The following STAMBPL1 variants were observed in gnomAD, a reference collection of about 807,000 sequenced individuals.
The protein encoded by STAMBPL1 is AMSH-like protease.
A neutral mutation model predicts 52.9 loss-of-function variants in STAMBPL1; 44 were observed. The ratio of observed to expected loss-of-function variants is 0.83; its 90% CI spans 0.65 to 1.07. STAMBPL1 has a LOEUF of 1.07. Ranked by LOEUF, STAMBPL1 falls within the 50% of genes least tolerant of loss-of-function variation. The pLI, the probability that STAMBPL1 is intolerant of heterozygous loss-of-function variation, is 0.00. For synonymous variants in STAMBPL1, 164 were observed against 177.3 expected, an observed-to-expected ratio of 0.92 and a Z score of 0.60; for missense variants, 511 against 520.8, an observed-to-expected ratio of 0.98 and a Z score of 0.18.
intron 1 of STAMBPL1, among the ~76,000 whole-genome samples, chr10:88,894,102 G>GT (rs1844752471): frequency 6.6e-6 from 1 of 152,152 alleles, no homozygotes; most frequent in African/African-American, 2.4e-5. Context: ...TGTGCTATAT[G>GT]TTTTACAAGC....
chr10:88,890,088 G>A (rs1844640067), intron 1 of STAMBPL1, among the ~76,000 whole-genome samples: 1 of 152,184 alleles, frequency 6.6e-6, no homozygotes, highest in African/African-American at 2.4e-5. Context: ...ACACCAGAAA[G>A]ATGGGTAGAA....
intron 1 of STAMBPL1, among the ~76,000 whole-genome samples, chr10:88,884,244 G>T (rs1178831355): frequency 6.6e-6 from 1 of 152,200 alleles, no homozygotes; most frequent in African/African-American, 2.4e-5. Flanking sequence ...GCTATTCTCT[G>T]CATAATGAAA....
intron 1 of STAMBPL1, chr10:88,882,313 T>C (rs1844425988): frequency 6.6e-6 from 1 of 152,178 alleles, no homozygotes; most frequent in African/African-American, 2.4e-5. Flanking sequence ...AATAGAGAGA[T>C]TTGCTTCTGG....
intron 8 of STAMBPL1, 30 bp from the exon 9 acceptor site, chr10:88,921,253 T>G (rs749438719): frequency 6.4e-7 from 1 of 1,569,276 alleles, no homozygotes; most frequent in Admixed American, 1.7e-5. Context: ...ACAGCTATCC[T>G]AGTAAGATTA....
At chr10:88,901,037 G>T (rs1371270077) in intron 1 of STAMBPL1, 1 of 152,138 alleles carries the variant, frequency 6.6e-6, no homozygotes, top group East Asian at 1.9e-4. Context: ...CTTTTAATTA[G>T]CTTAACATTA....
At chr10:88,902,257 C>A (rs1156715614) in intron 2 of STAMBPL1, among the ~76,000 whole-genome samples, 1 of 152,200 alleles carries the variant, frequency 6.6e-6, no homozygotes, top group Non-Finnish European at 1.5e-5. Context: ...TATTCTGTGT[C>A]CTAGATCAGT....
intron 3 of STAMBPL1, 91 bp from the exon 4 acceptor site, chr10:88,908,611 T>C: frequency 1.8e-6 from 2 of 1,081,892 alleles, no homozygotes. Context: ...AAACATGTCA[T>C]TTTTGAAAAA....
At chr10:88,909,891 G>A (rs756796769) in intron 4 of STAMBPL1, among the ~76,000 whole-genome samples, 9 of 152,184 alleles carry the variant, frequency 5.9e-5, no homozygotes, top group Non-Finnish European at 1.0e-4. Context: ...GTGAGCCACC[G>A]CACCCAGCCA....
In STAMBPL1 at chr10:88,922,447, C is replaced by T. The variant is rs766647588; in HGVS notation, c.1254+11C>T. 8 of 1,610,022 alleles carry T rather than the reference C, an allele frequency of 5.0e-6. No homozygotes were observed. Among genetic ancestry groups the T allele is most frequent in the South Asian group, 2.2e-5 (2 of 90,876 alleles). ...CCCAGGCTGTTCAGTGTGAGTACAT[C>T]ATATTAGTTATTTTTCCAGGTATTT... On this transcript the variant is annotated intron_variant, in intron 10 of 10. Coordinates refer to ENST00000371926, the MANE Select transcript of STAMBPL1 (RefSeq NM_020799.4).
Position 88,916,741 on chromosome 10 carries a change from A to T in STAMBPL1, c.965A>T (p.Tyr322Phe). 1 of 1,610,520 alleles carries T rather than the reference A, an allele frequency of 6.2e-7. No homozygotes were observed. Among genetic ancestry groups the T allele is most frequent in the African/African-American group, 1.3e-5 (1 of 74,624 alleles). Reference protein sequence around the residue: ...IVPKQSAGPDYCDMENVEELF... With the variant: ...IVPKQSAGPDFCDMENVEELF... ...CCAAAGCAGTCTGCGGGACCAGACT[A>T]TTGTGACATGGAGAATGTAGAGGAA... Residue 322 changes from tyrosine (Y) to phenylalanine (F), a missense_variant, in exon 8 of 11, where the codon TAT (tyrosine) becomes TTT (phenylalanine). By Grantham distance (22) the Tyr-to-Phe change is conservative. This residue lies in a region of STAMBPL1 where 137 missense variants were observed against 139.9 expected (regional missense o/e 0.98). Transcript: ENST00000371926.
chr10:88,913,768 G>A (rs1845293809), intron 6 of STAMBPL1, among the ~76,000 whole-genome samples: 1 of 151,336 alleles, frequency 6.6e-6, no homozygotes, highest in African/African-American at 2.4e-5. Flanking sequence ...TTTTAACTAA[G>A]AAATACATAC....
chr10:88,918,975 G>A (rs1472618043), intron 8 of STAMBPL1, among the ~76,000 whole-genome samples: 1 of 152,098 alleles, frequency 6.6e-6, no homozygotes, highest in Non-Finnish European at 1.5e-5. Flanking sequence ...TCAAATTATT[G>A]TGGTTGGATG....
At position 88,908,701 on chromosome 10, in the gene STAMBPL1, G is replaced by A; in HGVS notation, c.249-1G>A. On this transcript the variant is annotated splice_acceptor_variant, in intron 3 of 10. Transcript: ENST00000371926. LOFTEE classifies it high-confidence loss of function. The stretch of plus-strand genomic sequence containing the variant: ...CTAAGGACATGTTTTCTCTTCCTTA[G>A]CTTATTTGTAGAAAAGCTTCCTAAC... 1 of 1,607,968 alleles carries A rather than the reference G, an allele frequency of 6.2e-7. No homozygotes were observed. The highest frequency in any genetic ancestry group is 8.5e-7 in the Non-Finnish European group (1 of 1,177,824).
At chr10:88,922,464 C>T (rs781005925) in intron 10 of STAMBPL1, 28 bp downstream of exon 10, 2 of 1,599,722 alleles carry the variant, frequency 1.3e-6, no homozygotes, top group Admixed American at 1.7e-5. Flanking sequence ...GTTATTTTTC[C>T]AGGTATTTCT....
chr10:88,891,800 T>C (rs1291745221), intron 1 of STAMBPL1, among the ~76,000 whole-genome samples: 1 of 152,186 alleles, frequency 6.6e-6, no homozygotes, highest in Non-Finnish European at 1.5e-5. Flanking sequence ...TCCTGGTCCT[T>C]AGCAGAATGT....
At chr10:88,883,794 A>G (rs1384800675) in intron 1 of STAMBPL1, among the ~76,000 whole-genome samples, 3 of 152,314 alleles carry the variant, frequency 2.0e-5, no homozygotes, top group Middle Eastern at 3.4e-3. Flanking sequence ...CTTGATATAA[A>G]CACCAGTAAT....
In STAMBPL1 at chr10:88,901,687, C is replaced by A; in HGVS notation, c.-22C>A. 6.2e-7 allele frequency: 1 copy of A among 1,606,400 alleles called. No homozygotes were observed. Among genetic ancestry groups the A allele is most frequent in the Non-Finnish European group, 8.5e-7 (1 of 1,176,698 alleles). On this transcript the variant is annotated 5_prime_UTR_variant, in exon 2 of 11. Coordinates refer to ENST00000371926, the MANE Select transcript of STAMBPL1 (RefSeq NM_020799.4). ...TGATTGAGAAGAAACAGTGAACATC[C>A]TCATTTCACAGATAAGACAACATGG... is the stretch of plus-strand genomic sequence containing the variant.
At chr10:88,896,318 T>C (rs188430502) in intron 1 of STAMBPL1, among the ~76,000 whole-genome samples, 136 of 152,330 alleles carry the variant, frequency 8.9e-4, no homozygotes, top group African/African-American at 3.2e-3. Flanking sequence ...CCTAGATTTA[T>C]TTATTTTTCC....
At chr10:88,897,560 G>A (rs12243621) in intron 1 of STAMBPL1, among the ~76,000 whole-genome samples, 8,234 of 152,228 alleles carry the variant, frequency 0.054, 578 homozygotes, top group African/African-American at 0.16. Context: ...CAAGCCACAA[G>A]AATGTGAGGT....
Sources: allele counts gnomAD v4.1 joint callset (sites outside exome capture counted in the v4.1 genomes callset), GRCh38; gene constraint gnomAD v4.1.1; regional missense constraint gnomAD v4.1.1; transcripts MANE v1.5; gene names NCBI Gene and HGNC (gene_info 2026-07-23, HGNC 2026-07-21).